The following CSMD1 variants were observed in gnomAD, a reference collection of about 807,000 sequenced individuals.
CSMD1 encodes the protein CUB and Sushi multiple domains 1.
A neutral mutation model predicts 417.5 loss-of-function variants in CSMD1; 213 were observed. That is an observed-to-expected ratio of 0.51 (90% CI 0.46 to 0.57). The LOEUF is 0.57. CSMD1 is among the 20% of genes least tolerant of loss of function. The pLI is 0.00. For synonymous variants in CSMD1, 2,862 were observed against 1,736.8 expected, an observed-to-expected ratio of 1.65 and a Z score of -16.11; for missense variants, 6,923 against 4,529.7, an observed-to-expected ratio of 1.53 and a Z score of -15.17.
chr8:4,779,494 C>T (rs1361708053), intron 1 of CSMD1, among the ~76,000 whole-genome samples: 1 of 152,008 alleles, frequency 6.6e-6, no homozygotes, highest in African/African-American at 2.4e-5. Flanking sequence ...TTTCCCTATG[C>T]AGAGTCCTAA....
chr8:4,312,830 C>T (rs773289249), intron 3 of CSMD1, among the ~76,000 whole-genome samples: 9 of 152,004 alleles, frequency 5.9e-5, no homozygotes, highest in African/African-American at 9.7e-5. Context: ...GCTGAGATCG[C>T]GCCAGGCAAG....
intron 18 of CSMD1, among the ~76,000 whole-genome samples, chr8:3,369,988 A>T (rs904428250): frequency 3.9e-5 from 6 of 152,180 alleles, no homozygotes; most frequent in African/African-American, 1.4e-4. Context: ...AATCCATCTC[A>T]TGGATAGGTG....
At chr8:4,090,461 G>C (rs536246769) in intron 3 of CSMD1, among the ~76,000 whole-genome samples, 8 of 152,204 alleles carry the variant, frequency 5.3e-5, no homozygotes, top group African/African-American at 1.4e-4. Flanking sequence ...ACATGGGAAG[G>C]TTTTAAAATA....
chr8:4,110,373 A>G (rs565743055), intron 3 of CSMD1, among the ~76,000 whole-genome samples: 146 of 152,258 alleles, frequency 9.6e-4, no homozygotes, highest in Non-Finnish European at 1.8e-3. Flanking sequence ...TTTTTAATCT[A>G]AGGGAAAAGT....
rs1407820684 is a variant in CSMD1 at position 3,396,454 on chromosome 8, A to C, written c.2406-73T>G. The C allele has an allele frequency of 1.0e-4, 110 of 1,094,188 alleles. No individual in the cohort carries two copies. The East Asian group carries it at 1.7e-3, about 17-fold the overall frequency. 67.8% of individuals were successfully genotyped at this position (1,094,188 alleles called of 1,614,324 possible). On this transcript the variant is annotated intron_variant, in intron 16 of 69. Transcript: ENST00000635120. ...TTACAGACGTGCTCCTGACATCCTCATTCCTTAATCAGAAACCCATGTACG... is the reference window on the plus strand; with the variant it reads ...TTACAGACGTGCTCCTGACATCCTCCTTCCTTAATCAGAAACCCATGTACG...
intron 12 of CSMD1, among the ~76,000 whole-genome samples, chr8:3,456,662 A>G (rs1232562106): frequency 1.3e-5 from 2 of 152,166 alleles, no homozygotes; most frequent in Non-Finnish European, 2.9e-5. Context: ...AGAGGTGGCA[A>G]TCACATCTTC....
chr8:3,647,684 T>A (rs1797646415), intron 7 of CSMD1, among the ~76,000 whole-genome samples: 1 of 152,188 alleles, frequency 6.6e-6, no homozygotes, highest in African/African-American at 2.4e-5. Flanking sequence ...TTTAGTACAG[T>A]TATTGTAAGA....
chr8:4,209,715 A>C (rs1321801504), intron 3 of CSMD1, among the ~76,000 whole-genome samples: 3 of 152,144 alleles, frequency 2.0e-5, no homozygotes, highest in African/African-American at 7.2e-5. Context: ...ACTTTTATTG[A>C]CTGAAGCAGC....
intron 2 of CSMD1, among the ~76,000 whole-genome samples, chr8:4,492,996 G>C (rs1162956499): frequency 6.6e-6 from 1 of 152,150 alleles, no homozygotes; most frequent in Non-Finnish European, 1.5e-5. Flanking sequence ...ATTCCGATCT[G>C]AAGATCAAGG....
chr8:4,007,309 C>T (rs535941903), intron 4 of CSMD1, among the ~76,000 whole-genome samples: 1 of 152,214 alleles, frequency 6.6e-6, no homozygotes, highest in Non-Finnish European at 1.5e-5. Context: ...TTGGCTTCTT[C>T]TGTTCCTCAT....
At chr8:4,287,686 C>CTTATTAT (rs1797138979) in intron 3 of CSMD1, among the ~76,000 whole-genome samples, 1 of 149,368 alleles carries the variant, frequency 6.7e-6, no homozygotes, top group Non-Finnish European at 1.5e-5. Flanking sequence ...ATTATTATTA[C>CTTATTAT]TACTACTTTG....
intron 3 of CSMD1, among the ~76,000 whole-genome samples, chr8:4,299,066 C>G (rs1268381372): frequency 5.3e-5 from 8 of 151,972 alleles, no homozygotes; most frequent in Admixed American, 1.3e-4. Context: ...CCTGTTAATC[C>G]TATTTCTTAC....
chr8:3,525,650 C>A (rs1449975999), intron 10 of CSMD1, among the ~76,000 whole-genome samples: 5 of 152,204 alleles, frequency 3.3e-5, no homozygotes, highest in Admixed American at 3.3e-4. Flanking sequence ...TCAATCTCAT[C>A]ATGATAGCAA....
At chr8:3,586,377 G>T in intron 8 of CSMD1, 117 bp from the exon 9 acceptor site, 1 of 973,986 alleles carries the variant, frequency 1.0e-6, no homozygotes, top group Non-Finnish European at 1.5e-6. Context: ...AACAGCCTAA[G>T]ACATTAAGCA....
rs78369090 is a variant in CSMD1 at position 4,195,917 on chromosome 8, A to G, written c.416-163818T>C. On this transcript the variant is annotated intron_variant, in intron 3 of 69. Transcript: ENST00000635120. The stretch of plus-strand genomic sequence containing the variant: ...AGTCCCACCCCGAGAAAACTATGAG[A>G]TAAAAAATGCCAGGCCGGGCGCGGT... Among the ~76,000 whole-genome samples, 543 of 152,218 alleles carry G rather than the reference A, an allele frequency of 3.6e-3. 7 individuals are homozygous for G. In the East Asian group the frequency reaches 0.046, roughly 13 times the overall value.
At chr8:4,533,546 T>G (rs1052598677) in intron 2 of CSMD1, among the ~76,000 whole-genome samples, 4 of 152,162 alleles carry the variant, frequency 2.6e-5, no homozygotes, top group African/African-American at 9.7e-5. Flanking sequence ...ACAATATTCT[T>G]GGGAATTTTT....
intron 1 of CSMD1, among the ~76,000 whole-genome samples, chr8:4,877,210 T>G (rs1201195641): frequency 6.6e-6 from 1 of 152,026 alleles, no homozygotes; most frequent in Non-Finnish European, 1.5e-5. Context: ...GCAATGTAGC[T>G]GAATAAAACA....
intron 7 of CSMD1, among the ~76,000 whole-genome samples, chr8:3,668,975 C>G (rs148530041): frequency 6.6e-6 from 1 of 152,226 alleles, no homozygotes; most frequent in East Asian, 1.9e-4. Flanking sequence ...CATTGAGCAA[C>G]CAGGTTAGCC....
chr8:3,724,226 T>C (rs926524439), intron 6 of CSMD1, among the ~76,000 whole-genome samples: 2 of 151,984 alleles, frequency 1.3e-5, no homozygotes, highest in Admixed American at 6.6e-5. Flanking sequence ...ACTTTAAGTT[T>C]TAGGGTACAT....
Sources: gnomAD v4.1 joint callset for allele counts (sites outside exome capture counted in the v4.1 genomes callset) on GRCh38, gnomAD v4.1.1 for gene constraint, MANE v1.5 for transcripts, NCBI Gene and HGNC (gene_info 2026-07-23, HGNC 2026-07-21) for gene names.